ARHGAP8: variants seen among roughly 807,000 people sequenced by gnomAD.
ARHGAP8 encodes the protein rho GTPase-activating protein 8.
In ARHGAP8, 62 loss-of-function variants were observed where a neutral mutation model predicts 46.1. The ratio of observed to expected loss-of-function variants is 1.34; its 90% CI spans 1.10 to 1.66. The LOEUF is 1.66. ARHGAP8 is among the 40% of genes most tolerant of loss of function. The probability of loss-of-function intolerance (pLI) is 0.00; values close to 1 mark genes in which losing one functional copy is unlikely to be tolerated. For missense variants in ARHGAP8, 923 were observed against 568.4 expected (o/e 1.62, Z -6.34); for synonymous variants, 375 against 243.1 (o/e 1.54, Z -5.05).
chr22:44,808,356 G>A lies in ARHGAP8; in HGVS notation c.217G>A (p.Val73Ile), dbSNP rs148849830. 1.3e-4 allele frequency: 210 copies of A among 1,614,120 alleles called. 1 individual carries two copies. The highest frequency in any genetic ancestry group is 1.6e-4 in the Non-Finnish European group (194 of 1,180,046). The stretch of plus-strand genomic sequence containing the variant: ...ATACGTTGAGAACGATTATACCATC[G>A]TCTATTTCCACTACGGGCTGAACAG... ...DQYVENDYTIVYFHYGLNSRN... is the reference protein window; with the variant it reads ...DQYVENDYTIIYFHYGLNSRN... Residue 73 changes from valine (V) to isoleucine (I), a missense_variant, in exon 4 of 12, where the codon GTC (valine) becomes ATC (isoleucine). Physicochemically the swap from Val to Ile is conservative, Grantham distance 29. Coordinates refer to ENST00000356099, the MANE Select transcript of ARHGAP8 (RefSeq NM_181335.3).
intron 4 of ARHGAP8, among the ~76,000 whole-genome samples, chr22:44,811,801 G>C (rs1929353195): frequency 6.6e-6 from 1 of 152,104 alleles, no homozygotes; most frequent in Non-Finnish European, 1.5e-5. Context: ...TTCGAGACCA[G>C]TCTGGCCAAC....
chr22:44,861,555 A>C (rs75522461), intron 11 of ARHGAP8, among the ~76,000 whole-genome samples: 593 of 152,252 alleles, frequency 3.9e-3, no homozygotes, highest in Non-Finnish European at 5.5e-3. Flanking sequence ...GCCTCCCTCC[A>C]GTTCTCTGCT....
At chr22:44,851,685 T>A (rs1338469202) in intron 10 of ARHGAP8, among the ~76,000 whole-genome samples, 1 of 151,926 alleles carries the variant, frequency 6.6e-6, no homozygotes, top group East Asian at 1.9e-4. Flanking sequence ...CAAAAGATTT[T>A]AAAAATTGGC....
intron 10 of ARHGAP8, chr22:44,849,290 C>A (rs977171518): frequency 2.8e-6 from 2 of 717,964 alleles, no homozygotes; most frequent in Non-Finnish European, 4.3e-6. Context: ...CAGGGTTGTC[C>A]AGGCCGGTCT....
chr22:44,803,056 TGA>T (rs1396688013), intron 3 of ARHGAP8, among the ~76,000 whole-genome samples: 2 of 152,154 alleles, frequency 1.3e-5, no homozygotes, highest in Non-Finnish European at 2.9e-5. Context: ...CTACTGTATG[TGA>T]GACTTTGGAT....
At chr22:44,848,826 G>A in intron 9 of ARHGAP8, 106 bp from the exon 10 acceptor site, 1 of 1,557,082 alleles carries the variant, frequency 6.4e-7, no homozygotes, top group Non-Finnish European at 8.7e-7. Context: ...CCAGCATCAG[G>A]TGCGTCCCAT....
chr22:44,756,994 C>T (rs745333839), intron 1 of ARHGAP8, among the ~76,000 whole-genome samples: 13 of 152,140 alleles, frequency 8.5e-5, no homozygotes, highest in Non-Finnish European at 1.5e-4. Flanking sequence ...TAGCTCACTG[C>T]GGCCTCGAAC....
At chr22:44,756,558 G>A (rs1187859498) in intron 1 of ARHGAP8, among the ~76,000 whole-genome samples, 1 of 150,806 alleles carries the variant, frequency 6.6e-6, no homozygotes, top group Non-Finnish European at 1.5e-5. Flanking sequence ...CAGCCAACCT[G>A]GCCTGTGCTC....
At chr22:44,772,399 A>G (rs1169994688) in intron 1 of ARHGAP8, among the ~76,000 whole-genome samples, 1 of 128,580 alleles carries the variant, frequency 7.8e-6, no homozygotes, top group African/African-American at 3.0e-5. Context: ...TATGTTGACC[A>G]GGTTGGTCTC....
intron 4 of ARHGAP8, 79 bp from the exon 5 acceptor site, chr22:44,814,593 C>T (rs1320462457): frequency 2.5e-6 from 3 of 1,194,740 alleles, no homozygotes; most frequent in East Asian, 2.4e-5. Flanking sequence ...ACAGTGGAGG[C>T]AGCTGTTTCA....
chr22:44,808,909 C>T, intron 4 of ARHGAP8: 1 of 365,096 alleles, frequency 2.7e-6, no homozygotes. Context: ...CCTCGGCCTC[C>T]TGGGCTCAAG....
intron 2 of ARHGAP8, among the ~76,000 whole-genome samples, chr22:44,793,185 G>A (rs1927829964): frequency 1.3e-5 from 2 of 152,132 alleles, no homozygotes; most frequent in Admixed American, 1.3e-4. Flanking sequence ...GTGGGGCTGA[G>A]CATGTGTTTC....
rs1270414191 is a variant in ARHGAP8, at chr22:44,813,865, A to T, written c.300-807A>T. Among the ~76,000 whole-genome samples, 4 of 152,176 alleles carry T rather than the reference A, an allele frequency of 2.6e-5. No homozygotes were observed. In the East Asian group the frequency reaches 7.7e-4, roughly 29 times the overall value. On this transcript the variant is annotated intron_variant, in intron 4 of 11. Transcript: ENST00000356099. ...CACTTAGACTTACATACGTCTACACACATACACAATTGGCTTCCAAAAATT... is the reference window on the plus strand; with the variant it reads ...CACTTAGACTTACATACGTCTACACTCATACACAATTGGCTTCCAAAAATT...
chr22:44,861,008 C>A (rs2070454806), intron 11 of ARHGAP8, among the ~76,000 whole-genome samples: 1 of 152,030 alleles, frequency 6.6e-6, no homozygotes, highest in African/African-American at 2.4e-5. Flanking sequence ...TCCTAATTCT[C>A]TCAAAAAAAT....
chr22:44,840,934 C>T lies in ARHGAP8; in HGVS notation c.597-4335C>T, dbSNP rs376831467. ...GTCTGGCTGGGAAGGGGCTTGTGGCCGGATAAGCGCCTCACTGAGTACCTG... is the reference window on the plus strand; with the variant it reads ...GTCTGGCTGGGAAGGGGCTTGTGGCTGGATAAGCGCCTCACTGAGTACCTG... On this transcript the variant is annotated intron_variant, in intron 7 of 11. Transcript: ENST00000356099. Among the ~76,000 whole-genome samples the T allele has an allele frequency of 6.6e-5, 10 of 152,312 alleles. No individual in the cohort carries two copies. In the East Asian group the frequency reaches 1.2e-3, roughly 18 times the overall value.
chr22:44,783,319 A>G (rs1445243994), intron 1 of ARHGAP8, among the ~76,000 whole-genome samples: 1 of 150,804 alleles, frequency 6.6e-6, no homozygotes, highest in African/African-American at 2.4e-5. Context: ...GCAGCGGTCC[A>G]TCCCCGAGCT....
At chr22:44,801,887 A>G (rs1928580337) in intron 2 of ARHGAP8, 190 bp from the exon 3 acceptor site, 1 of 611,944 alleles carries the variant, frequency 1.6e-6, no homozygotes, top group African/African-American at 1.8e-5. Context: ...GGTCATGAAG[A>G]TGAACTTGGA....
Position 44,862,307 on chromosome 22 carries a change from C to G in ARHGAP8, c.1014C>G (p.Asn338Lys), listed in dbSNP as rs200471258. Reference sequence around the variant, plus strand: ...GGGAGAGCATCTTCAACAAAATGAACAGCTCTAACCTGGCCTGTGTCTTCG... The same window carrying G: ...GGGAGAGCATCTTCAACAAAATGAAGAGCTCTAACCTGGCCTGTGTCTTCG... The part of the protein sequence containing the change: ...VSRESIFNKM[N>K]SSNLACVFGL... Residue 338 changes from asparagine (N) to lysine (K), a missense_variant, in exon 12 of 12, where the codon AAC becomes AAG. Transcript: ENST00000356099. 16 of 1,601,646 alleles carry G rather than the reference C, an allele frequency of 1.0e-5. No individual in the cohort carries two copies. The highest frequency in any genetic ancestry group is 1.4e-5 in the Non-Finnish European group (16 of 1,170,478).
chr22:44,803,121 G>A (rs1228177257), intron 3 of ARHGAP8, among the ~76,000 whole-genome samples: 13 of 152,172 alleles, frequency 8.5e-5, no homozygotes, highest in African/African-American at 3.1e-4. Context: ...CACCCCTGTG[G>A]TTTGGGGTGG....
Sources: allele counts gnomAD v4.1 joint callset (sites outside exome capture counted in the v4.1 genomes callset), GRCh38; gene constraint gnomAD v4.1.1; transcripts MANE v1.5; gene names NCBI Gene and HGNC (gene_info 2026-07-23, HGNC 2026-07-21).